CDH18: variants seen among roughly 807,000 people sequenced by gnomAD.
The protein encoded by CDH18 is cadherin 18, also known as cadherin-18.
A neutral mutation model predicts 67.9 loss-of-function variants in CDH18; 31 were observed. The observed-to-expected ratio is 0.46, with a 90% CI of 0.34 to 0.62. CDH18 has a LOEUF of 0.62. Ranked by LOEUF, CDH18 falls within the 20% of genes least tolerant of loss-of-function variation. The pLI, the probability that CDH18 is intolerant of heterozygous loss-of-function variation, is 0.01. For synonymous variants in CDH18, 362 were observed against 347.2 expected (o/e 1.04, Z -0.48); for missense variants, 890 against 975.5 (o/e 0.91, Z 1.17).
chr5:19,966,593 GA>G (rs2150321054), intron 2 of CDH18, among the ~76,000 whole-genome samples: 1 of 151,948 alleles, frequency 6.6e-6, no homozygotes, highest in East Asian at 1.9e-4. Flanking sequence ...ATCATTAAAA[GA>G]AAAAACAATT....
In CDH18 at chr5:19,757,004, A is replaced by C. The variant is rs931459526; in HGVS notation, c.229-9768T>G. Among the ~76,000 whole-genome samples, 20 of 152,214 alleles carry C rather than the reference A, an allele frequency of 1.3e-4. 1 individual carries two copies. The highest frequency in any genetic ancestry group is 1.2e-3 in the Admixed American group (18 of 15,276). ...AGTATTGTTACCTAGTTGGTGTTGT[A>C]ATTGTGACTTCAAAAGGCCATTCCA... is the stretch of plus-strand genomic sequence containing the variant. On this transcript the variant is annotated intron_variant, in intron 3 of 12. Transcript: ENST00000382275.
chr5:20,135,624 CTT>C (rs1749643544), intron 2 of CDH18, among the ~76,000 whole-genome samples: 1 of 152,056 alleles, frequency 6.6e-6, no homozygotes, highest in Non-Finnish European at 1.5e-5. Flanking sequence ...TATTTATTGG[CTT>C]CTGCTAGCTT....
intron 2 of CDH18, among the ~76,000 whole-genome samples, chr5:20,109,754 G>T (rs1747290589): frequency 6.6e-6 from 1 of 152,152 alleles, no homozygotes; most frequent in South Asian, 2.1e-4. Context: ...AACAACAAAG[G>T]ATTGTTTTCT....
At chr5:19,896,416 C>T (rs769874978) in intron 2 of CDH18, among the ~76,000 whole-genome samples, 1 of 151,980 alleles carries the variant, frequency 6.6e-6, no homozygotes, top group Non-Finnish European at 1.5e-5. Flanking sequence ...GACCTAAATA[C>T]CATCATAAAC....
intron 3 of CDH18, among the ~76,000 whole-genome samples, chr5:19,813,553 T>C (rs565582859): frequency 2.0e-5 from 3 of 152,236 alleles, no homozygotes; most frequent in East Asian, 1.9e-4. Flanking sequence ...TATTATTTAA[T>C]GATAAACTAA....
intron 1 of CDH18, among the ~76,000 whole-genome samples, chr5:20,524,097 CAT>C (rs1755904735): frequency 6.6e-6 from 1 of 152,104 alleles, no homozygotes; most frequent in Non-Finnish European, 1.5e-5. Context: ...TGATTTAAGA[CAT>C]TTGATTATAA....
At chr5:20,267,215 T>C (rs1745107673) in intron 1 of CDH18, among the ~76,000 whole-genome samples, 1 of 152,350 alleles carries the variant, frequency 6.6e-6, no homozygotes, top group African/African-American at 2.4e-5. Context: ...TATGTTCTTA[T>C]CATCTTTGTC....
chr5:19,658,453 A>G (rs910890808), intron 5 of CDH18, among the ~76,000 whole-genome samples: 3 of 152,130 alleles, frequency 2.0e-5, no homozygotes, highest in African/African-American at 7.2e-5. Flanking sequence ...GGAGAATAAC[A>G]GTATTCTATT....
intron 1 of CDH18, among the ~76,000 whole-genome samples, chr5:20,507,764 T>C (rs936653693): frequency 7.2e-5 from 11 of 152,152 alleles, no homozygotes; most frequent in Non-Finnish European, 1.3e-4. Flanking sequence ...AAAGGAAAGA[T>C]AGATTTTCTC....
At chr5:19,516,226 T>C (rs1019433609) in intron 10 of CDH18, among the ~76,000 whole-genome samples, 31 of 152,196 alleles carry the variant, frequency 2.0e-4, no homozygotes, top group Non-Finnish European at 4.0e-4. Flanking sequence ...ATAAGCTTTT[T>C]GATATGCTGC....
chr5:19,731,497 C>T (rs1345956291), intron 4 of CDH18, among the ~76,000 whole-genome samples: 1 of 151,954 alleles, frequency 6.6e-6, no homozygotes, highest in African/African-American at 2.4e-5. Flanking sequence ...AGCATTCAGA[C>T]AGTTTTGGAC....
chr5:19,856,146 T>C (rs1335637372), intron 2 of CDH18, among the ~76,000 whole-genome samples: 1 of 152,208 alleles, frequency 6.6e-6, no homozygotes, highest in Non-Finnish European at 1.5e-5. Context: ...TTTGGAACTG[T>C]GCTACTTACA....
At chr5:19,572,981 C>A (rs1193041644) in intron 7 of CDH18, among the ~76,000 whole-genome samples, 2 of 152,086 alleles carry the variant, frequency 1.3e-5, no homozygotes, top group Non-Finnish European at 2.9e-5. Context: ...GGCAAAATAT[C>A]ATTTCATTTC....
chr5:20,321,443 T>C (rs921817575), intron 1 of CDH18, among the ~76,000 whole-genome samples: 3 of 152,016 alleles, frequency 2.0e-5, no homozygotes, highest in African/African-American at 7.2e-5. Flanking sequence ...TCCTTCTAGC[T>C]TGGGACGAAT....
chr5:20,476,347 G>GAA (rs397720907), intron 1 of CDH18, among the ~76,000 whole-genome samples: 4,569 of 145,846 alleles, frequency 0.031, 181 homozygotes, highest in African/African-American at 0.079. Context: ...CATTACATTT[G>GAA]AAAAAAAAAA....
chr5:20,033,958 T>C (rs1580085713), intron 2 of CDH18, among the ~76,000 whole-genome samples: 1 of 151,984 alleles, frequency 6.6e-6, no homozygotes, highest in African/African-American at 2.4e-5. Flanking sequence ...AGTGGCACAA[T>C]ATAAAAGAAG....
At chr5:20,188,986 C>T (rs7723625) in intron 2 of CDH18, among the ~76,000 whole-genome samples, 5,223 of 151,978 alleles carry the variant, frequency 0.034, 309 homozygotes, top group African/African-American at 0.12. Flanking sequence ...TTCCTGAGTC[C>T]AGCTGTTTGA....
At chr5:20,338,990 C>T (rs867937419) in intron 1 of CDH18, among the ~76,000 whole-genome samples, 5 of 152,178 alleles carry the variant, frequency 3.3e-5, no homozygotes, top group East Asian at 1.9e-4. Flanking sequence ...TTATGACAGC[C>T]GACAGGAGCC....
At chr5:19,814,101 G>C (rs1022623403) in intron 3 of CDH18, among the ~76,000 whole-genome samples, 1 of 151,000 alleles carries the variant, frequency 6.6e-6, no homozygotes, top group African/African-American at 2.4e-5. Context: ...GAAGAAAGAG[G>C]CTCTTTTGCT....
Sources: gnomAD v4.1 joint callset for allele counts (sites outside exome capture counted in the v4.1 genomes callset) on GRCh38, gnomAD v4.1.1 for gene constraint, MANE v1.5 for transcripts, NCBI Gene and HGNC (gene_info 2026-07-23, HGNC 2026-07-21) for gene names.